Variants in ROBO1 observed in about 807,000 individuals in gnomAD.
ROBO1 encodes the protein roundabout homolog 1.
In ROBO1, 149 loss-of-function variants were observed where a neutral mutation model predicts 195.9. That is an observed-to-expected ratio of 0.76 (90% CI 0.67 to 0.87). ROBO1 has a LOEUF of 0.87. ROBO1 is among the 40% of genes least tolerant of loss of function. The pLI, the probability that ROBO1 is intolerant of heterozygous loss-of-function variation, is 0.00. For missense variants in ROBO1, 1,933 were observed against 2,068.3 expected, an observed-to-expected ratio of 0.93 and a Z score of 1.27; for synonymous variants, 816 against 733.2, an observed-to-expected ratio of 1.11 and a Z score of -1.82.
At chr3:79,043,884 G>C (rs1301577689) in intron 3 of ROBO1, among the ~76,000 whole-genome samples, 1 of 152,066 alleles carries the variant, frequency 6.6e-6, no homozygotes, top group Non-Finnish European at 1.5e-5. Context: ...CCTTGTATTT[G>C]TAAAACAGAG....
intron 2 of ROBO1, among the ~76,000 whole-genome samples, chr3:79,341,239 C>A (rs2034894791): frequency 6.6e-6 from 1 of 152,054 alleles, no homozygotes; most frequent in Admixed American, 6.6e-5. Flanking sequence ...TTCACAGGCT[C>A]AGGAAATGGC....
At chr3:78,600,452 G>T in intron 29 of ROBO1, 143 bp from the exon 30 acceptor site, 1 of 624,696 alleles carries the variant, frequency 1.6e-6, no homozygotes, top group Non-Finnish European at 2.8e-6. Context: ...TAAGCATAAT[G>T]AATAATGTAG....
At chr3:79,139,315 C>G (rs1325545305) in intron 2 of ROBO1, among the ~76,000 whole-genome samples, 2 of 151,998 alleles carry the variant, frequency 1.3e-5, no homozygotes, top group Non-Finnish European at 2.9e-5. Context: ...TTTGACTAAA[C>G]AAGATAGAGT....
intron 4 of ROBO1, among the ~76,000 whole-genome samples, chr3:78,757,675 A>C (rs949314479): frequency 2.0e-5 from 3 of 152,108 alleles, no homozygotes; most frequent in Non-Finnish European, 4.4e-5. Flanking sequence ...CAAACAAACA[A>C]ACTCTTCCCA....
At chr3:79,449,057 C>T (rs564299779) in intron 2 of ROBO1, among the ~76,000 whole-genome samples, 27 of 152,058 alleles carry the variant, frequency 1.8e-4, no homozygotes, top group African/African-American at 6.0e-4. Flanking sequence ...AGGGAGATCC[C>T]TGTCTCTACA....
At chr3:79,691,191 C>G (rs1426062815) in intron 1 of ROBO1, among the ~76,000 whole-genome samples, 1 of 151,702 alleles carries the variant, frequency 6.6e-6, no homozygotes, top group African/African-American at 2.4e-5. Context: ...AAATAATAGC[C>G]ACCTAGCAGT....
At chr3:79,172,922 T>G (rs779373639) in intron 2 of ROBO1, among the ~76,000 whole-genome samples, 13 of 152,194 alleles carry the variant, frequency 8.5e-5, no homozygotes, top group Non-Finnish European at 1.8e-4. Context: ...TTAATACCAT[T>G]TTCTTCTCTG....
intron 4 of ROBO1, among the ~76,000 whole-genome samples, chr3:78,859,343 T>C (rs909532225): frequency 1.3e-5 from 2 of 152,220 alleles, no homozygotes; most frequent in East Asian, 1.9e-4. Flanking sequence ...AAAGAAATTA[T>C]GGAATATTTG....
At chr3:78,669,505 A>G (rs1444232105) in intron 11 of ROBO1, among the ~76,000 whole-genome samples, 1 of 152,172 alleles carries the variant, frequency 6.6e-6, no homozygotes, top group Admixed American at 6.5e-5. Flanking sequence ...AAGAAGAAAA[A>G]TCAAAACAAT....
At chr3:79,745,204 C>T (rs183755896) in intron 1 of ROBO1, among the ~76,000 whole-genome samples, 1 of 152,176 alleles carries the variant, frequency 6.6e-6, no homozygotes, top group East Asian at 1.9e-4. Context: ...CTGCTCTGCC[C>T]TGAAATATTC....
intron 4 of ROBO1, among the ~76,000 whole-genome samples, chr3:78,767,704 A>T (rs748565310): frequency 5.3e-5 from 8 of 152,080 alleles, no homozygotes; most frequent in Non-Finnish European, 8.8e-5. Context: ...TTTCTAGTTT[A>T]TGTGTGGAAA....
At position 78,662,074 on chromosome 3, in the gene ROBO1, G is replaced by A; in HGVS notation, c.2007C>T (p.Val669=). 4 of 1,580,500 alleles carry A rather than the reference G, an allele frequency of 2.5e-6. No homozygotes were observed. The highest frequency in any genetic ancestry group is 3.4e-6 in the Non-Finnish European group (4 of 1,162,342). The change falls in exon 15 of 31, where the codon GTC becomes GTT. Residue 669 remains valine (V), a synonymous_variant. Coordinates refer to ENST00000464233, the MANE Select transcript of ROBO1 (RefSeq NM_002941.4). ...PTSQGVDHKQ[V]QRELGNAVLH... ...GAACAGCATTTCCCAGCTCTCTCTG[G>A]ACCTGCTTGTGGTCCACCCCCTGAC...
chr3:79,062,975 G>A (rs573379619), intron 3 of ROBO1, among the ~76,000 whole-genome samples: 1 of 152,044 alleles, frequency 6.6e-6, no homozygotes, highest in South Asian at 2.1e-4. Context: ...AGAACTTAAA[G>A]TATAATTAAA....
At chr3:79,618,556 C>A (rs747159285) in intron 1 of ROBO1, among the ~76,000 whole-genome samples, 1 of 152,144 alleles carries the variant, frequency 6.6e-6, no homozygotes, top group Non-Finnish European at 1.5e-5. Context: ...AGAAAACCTC[C>A]CTTTGACTGT....
chr3:79,038,383 T>C (rs1271173258), intron 3 of ROBO1, among the ~76,000 whole-genome samples: 1 of 152,174 alleles, frequency 6.6e-6, no homozygotes, highest in East Asian at 1.9e-4. Context: ...TATGATTTGG[T>C]CTAAATTTCA....
chr3:79,197,388 A>G (rs970852976), intron 2 of ROBO1, among the ~76,000 whole-genome samples: 2 of 151,996 alleles, frequency 1.3e-5, no homozygotes, highest in Non-Finnish European at 2.9e-5. Context: ...TTATGGCTGC[A>G]TAGTATTCCA....
intron 2 of ROBO1, among the ~76,000 whole-genome samples, chr3:79,331,966 C>A (rs1474531412): frequency 2.0e-5 from 3 of 151,888 alleles, no homozygotes; most frequent in Non-Finnish European, 4.4e-5. Flanking sequence ...CACGGTGAAA[C>A]CCCGTCTTTA....
chr3:79,189,073 C>T (rs1478225139), intron 2 of ROBO1, among the ~76,000 whole-genome samples: 1 of 151,784 alleles, frequency 6.6e-6, no homozygotes, highest in Non-Finnish European at 1.5e-5. Context: ...TAAACACATA[C>T]ATTTCTGTTT....
At chr3:79,364,208 C>T (rs2035876465) in intron 2 of ROBO1, among the ~76,000 whole-genome samples, 1 of 147,026 alleles carries the variant, frequency 6.8e-6, no homozygotes, top group Admixed American at 6.8e-5. Flanking sequence ...CCGTCAAAAA[C>T]AAAACGAAAC....
Sources: gnomAD v4.1 joint callset for allele counts (sites outside exome capture counted in the v4.1 genomes callset) on GRCh38, gnomAD v4.1.1 for gene constraint, MANE v1.5 for transcripts, NCBI Gene and HGNC (gene_info 2026-07-23, HGNC 2026-07-21) for gene names.